DGKB: variants seen among roughly 807,000 people sequenced by gnomAD.
DGKB encodes diacylglycerol kinase beta, also known as 90 kDa diacylglycerol kinase.
DGKB carries 67 observed loss-of-function variants against 114.3 expected under a neutral mutation model. That is an observed-to-expected ratio of 0.59 (90% CI 0.48 to 0.72). DGKB has a LOEUF of 0.72. DGKB is among the 30% of genes least tolerant of loss of function. The pLI is 0.00. For synonymous variants in DGKB, 398 were observed against 323.1 expected, an observed-to-expected ratio of 1.23 and a Z score of -2.49; for missense variants, 907 against 975.2, an observed-to-expected ratio of 0.93 and a Z score of 0.93.
intron 2 of DGKB, among the ~76,000 whole-genome samples, chr7:14,760,605 C>G (rs1383855906): frequency 2.0e-5 from 3 of 152,168 alleles, no homozygotes; most frequent in South Asian, 2.1e-4. Context: ...TGCAGACCCA[C>G]AGAGACACAC....
At chr7:14,212,934 T>C (rs184958447) in intron 23 of DGKB, among the ~76,000 whole-genome samples, 57 of 152,004 alleles carry the variant, frequency 3.7e-4, no homozygotes, top group Non-Finnish European at 7.1e-4. Context: ...GACTATGTAC[T>C]TTATAAAAAA....
intron 20 of DGKB, among the ~76,000 whole-genome samples, chr7:14,542,273 C>G (rs558656820): frequency 1.3e-5 from 2 of 152,208 alleles, no homozygotes; most frequent in African/African-American, 4.8e-5. Flanking sequence ...ATCATCCTGT[C>G]TCGTCTTTCC....
chr7:14,279,623 G>C (rs1413404942), intron 23 of DGKB, among the ~76,000 whole-genome samples: 1 of 152,004 alleles, frequency 6.6e-6, no homozygotes, highest in Non-Finnish European at 1.5e-5. Flanking sequence ...TGAGAGATCC[G>C]CTGTTAGTCT....
chr7:14,264,143 T>C (rs1797163061), intron 23 of DGKB, among the ~76,000 whole-genome samples: 1 of 152,160 alleles, frequency 6.6e-6, no homozygotes, highest in South Asian at 2.1e-4. Context: ...ATGAGGGACT[T>C]AATGGTATGA....
intron 21 of DGKB, among the ~76,000 whole-genome samples, chr7:14,360,581 C>T (rs1249690667): frequency 6.6e-6 from 1 of 151,962 alleles, no homozygotes; most frequent in East Asian, 1.9e-4. Context: ...AAAGACAGCT[C>T]AGATTTCCCA....
chr7:14,278,994 C>A (rs1799448863), intron 23 of DGKB, among the ~76,000 whole-genome samples: 1 of 152,118 alleles, frequency 6.6e-6, no homozygotes, highest in South Asian at 2.1e-4. Flanking sequence ...TAGGGAGTGC[C>A]AGACAGTGGG....
At chr7:14,465,807 C>T (rs960425740) in intron 21 of DGKB, among the ~76,000 whole-genome samples, 3 of 152,092 alleles carry the variant, frequency 2.0e-5, no homozygotes, top group Admixed American at 6.6e-5. Flanking sequence ...AATAACATCC[C>T]CTGCTTATTA....
At chr7:14,863,203 T>C (rs941389216) in intron 1 of DGKB, among the ~76,000 whole-genome samples, 2 of 151,550 alleles carry the variant, frequency 1.3e-5, no homozygotes, top group African/African-American at 4.8e-5. Flanking sequence ...GCATTTGTAA[T>C]TGTGTGTGTG....
chr7:14,632,151 T>C (rs931744460), intron 13 of DGKB, among the ~76,000 whole-genome samples: 3 of 152,042 alleles, frequency 2.0e-5, no homozygotes, highest in African/African-American at 7.2e-5. Context: ...CTTTCACTTT[T>C]ACCATGCCCA....
At chr7:14,604,800 G>A (rs746743132) in intron 17 of DGKB, among the ~76,000 whole-genome samples, 2 of 152,086 alleles carry the variant, frequency 1.3e-5, no homozygotes, top group Non-Finnish European at 2.9e-5. Context: ...CAACATCATA[G>A]CCTGGCCAGA....
At chr7:14,350,686 T>C (rs1813280466) in intron 21 of DGKB, among the ~76,000 whole-genome samples, 1 of 151,384 alleles carries the variant, frequency 6.6e-6, no homozygotes, top group Non-Finnish European at 1.5e-5. Flanking sequence ...ATTTATTATG[T>C]AGAAAACAGA....
intron 19 of DGKB, among the ~76,000 whole-genome samples, chr7:14,575,686 A>G (rs1799018635): frequency 6.6e-6 from 1 of 152,178 alleles, no homozygotes; most frequent in Non-Finnish European, 1.5e-5. Flanking sequence ...AAGTTAAATC[A>G]TCTCTCTTTT....
At chr7:14,896,241 G>T (rs1447860213) in intron 1 of DGKB, among the ~76,000 whole-genome samples, 1 of 151,690 alleles carries the variant, frequency 6.6e-6, no homozygotes, top group Non-Finnish European at 1.5e-5. Flanking sequence ...AGAGGAGAAA[G>T]AATGAAAGAC....
rs868314596 is a variant in DGKB, at chr7:14,750,084, A to C, written c.168+3844T>G. The stretch of plus-strand genomic sequence containing the variant: ...GTTATATGTGTGCTATCATTTAGTC[A>C]TCACAAAACCTATGGACAAAGAAAC... On this transcript the variant is annotated intron_variant, in intron 4 of 25. Transcript: ENST00000402815. 2.3e-5 allele frequency: 12 copies of C among 514,104 alleles called. No individual in the cohort carries two copies. In the Middle Eastern group the frequency reaches 3.8e-3, roughly 164 times the overall value. 31.8% of individuals were successfully genotyped at this position (514,104 alleles called of 1,614,324 possible). A position where few individuals can be genotyped will look rare whatever the true frequency, so the allele number is the denominator to read the frequency against.
intron 13 of DGKB, among the ~76,000 whole-genome samples, chr7:14,653,574 TC>T (rs1175441532): frequency 6.6e-6 from 1 of 151,876 alleles, no homozygotes; most frequent in East Asian, 1.9e-4. Context: ...GTTAGTGGGT[TC>T]AGCGCACCAG....
At chr7:14,948,593 A>C (rs2128258828) in intron 1 of DGKB, among the ~76,000 whole-genome samples, 1 of 151,988 alleles carries the variant, frequency 6.6e-6, no homozygotes, top group Admixed American at 6.6e-5. Flanking sequence ...TAATCTAAAG[A>C]CCATGAAAAA....
intron 20 of DGKB, among the ~76,000 whole-genome samples, chr7:14,480,046 T>C (rs1185150115): frequency 1.1e-4 from 16 of 151,718 alleles, no homozygotes; most frequent in Non-Finnish European, 4.4e-5. Context: ...TGTAGTACAA[T>C]TTTTTTTACA....
intron 2 of DGKB, among the ~76,000 whole-genome samples, chr7:14,821,594 G>A (rs747475236): frequency 3.9e-5 from 6 of 152,156 alleles, no homozygotes; most frequent in Admixed American, 6.6e-5. Context: ...GTGGCTGATC[G>A]TAGAAGGCAA....
chr7:14,895,831 G>T (rs897508146), intron 1 of DGKB, among the ~76,000 whole-genome samples: 1 of 151,620 alleles, frequency 6.6e-6, no homozygotes, highest in African/African-American at 2.4e-5. Context: ...CACTAGGGAA[G>T]GCAAGACAAG....
Sources: allele counts gnomAD v4.1 joint callset (sites outside exome capture counted in the v4.1 genomes callset), GRCh38; gene constraint gnomAD v4.1.1; transcripts MANE v1.5; gene names NCBI Gene and HGNC (gene_info 2026-07-23, HGNC 2026-07-21).